CNTNAP5: variants seen among roughly 807,000 people sequenced by gnomAD.
The protein encoded by CNTNAP5 is contactin-associated protein-like 5.
In CNTNAP5, 72 loss-of-function variants were observed where a neutral mutation model predicts 150.2. That is an observed-to-expected ratio of 0.48 (90% CI 0.40 to 0.58). CNTNAP5 has a LOEUF of 0.58. Ranked by LOEUF, CNTNAP5 falls within the 20% of genes least tolerant of loss-of-function variation. The probability of loss-of-function intolerance (pLI) is 0.00; values close to 1 mark genes in which losing one functional copy is unlikely to be tolerated. For synonymous variants in CNTNAP5, 672 were observed against 619.8 expected (o/e 1.08, Z -1.25); for missense variants, 1,636 against 1,626.2 (o/e 1.01, Z -0.10).
rs1362508323 is a variant in CNTNAP5 at position 124,544,859 on chromosome 2, C to T, written c.1649+17403C>T. ...TCTGGTGTGGTAGATTTAATGTCAG[C>T]CTTAGCAGCCCAGGCTGGATATGGT... On this transcript the variant is annotated intron_variant, in intron 10 of 23. Transcript: ENST00000682447. Among the ~76,000 whole-genome samples, 6 of 152,124 alleles carry T rather than the reference C, an allele frequency of 3.9e-5. No homozygotes were observed. The East Asian group carries it at 1.2e-3, about 29-fold the overall frequency.
intron 7 of CNTNAP5, among the ~76,000 whole-genome samples, chr2:124,504,018 C>A (rs911067994): frequency 9.9e-5 from 15 of 152,146 alleles, no homozygotes; most frequent in African/African-American, 3.1e-4. Context: ...TATTTTTACG[C>A]CCCTTAGAAA....
chr2:124,248,145 C>T (rs1687076817), intron 3 of CNTNAP5, among the ~76,000 whole-genome samples: 2 of 152,122 alleles, frequency 1.3e-5, no homozygotes, highest in African/African-American at 2.4e-5. Flanking sequence ...CTTTTGATTA[C>T]GATCTGATTA....
intron 18 of CNTNAP5, among the ~76,000 whole-genome samples, 169 bp downstream of exon 18, chr2:124,790,310 A>G (rs1681698946): frequency 6.6e-6 from 1 of 152,232 alleles, no homozygotes; most frequent in Admixed American, 6.5e-5. Context: ...TTGGTATTAC[A>G]TGTGTTCACT....
At chr2:124,867,788 T>C (rs533013244) in intron 20 of CNTNAP5, among the ~76,000 whole-genome samples, 8 of 152,292 alleles carry the variant, frequency 5.3e-5, no homozygotes, top group Non-Finnish European at 8.8e-5. Context: ...TGAATGTGTA[T>C]CTAACACTAA....
At chr2:124,589,497 A>G (rs1399348123) in intron 11 of CNTNAP5, among the ~76,000 whole-genome samples, 1 of 152,064 alleles carries the variant, frequency 6.6e-6, no homozygotes, top group Non-Finnish European at 1.5e-5. Context: ...GTCAGCTTTT[A>G]TTTGGGCACA....
At chr2:124,408,337 A>C (rs1691647881) in intron 3 of CNTNAP5, among the ~76,000 whole-genome samples, 3 of 152,232 alleles carry the variant, frequency 2.0e-5, no homozygotes, top group African/African-American at 7.2e-5. Flanking sequence ...AGGCTTGCTT[A>C]GGTAAACAAA....
At chr2:124,526,370 G>C (rs1431559582) in intron 9 of CNTNAP5, among the ~76,000 whole-genome samples, 1 of 152,152 alleles carries the variant, frequency 6.6e-6, no homozygotes, top group Non-Finnish European at 1.5e-5. Context: ...CAGTGTGCCT[G>C]TGAGCTGTTA....
At chr2:124,870,125 G>A (rs1677713872) in intron 21 of CNTNAP5, among the ~76,000 whole-genome samples, 1 of 150,738 alleles carries the variant, frequency 6.6e-6, no homozygotes, top group South Asian at 2.1e-4. Context: ...AATTTTAAAG[G>A]CATTGTAATT....
intron 10 of CNTNAP5, among the ~76,000 whole-genome samples, chr2:124,533,704 C>T (rs779709144): frequency 2.6e-5 from 4 of 152,200 alleles, no homozygotes; most frequent in Non-Finnish European, 5.9e-5. Context: ...TGCCTCTGAG[C>T]TTTCCTGATC....
At chr2:124,862,848 C>T (rs551130670) in intron 19 of CNTNAP5, among the ~76,000 whole-genome samples, 13 of 152,188 alleles carry the variant, frequency 8.5e-5, no homozygotes, top group Non-Finnish European at 1.3e-4. Context: ...ATCACATTCG[C>T]GGGTGGAGGG....
intron 14 of CNTNAP5, among the ~76,000 whole-genome samples, chr2:124,753,782 C>T (rs1680779808): frequency 6.6e-6 from 1 of 152,120 alleles, no homozygotes; most frequent in Non-Finnish European, 1.5e-5. Flanking sequence ...TTAGCCATTC[C>T]ACAATTTATA....
intron 22 of CNTNAP5, among the ~76,000 whole-genome samples, chr2:124,908,578 T>C (rs1340810400): frequency 6.6e-6 from 1 of 152,136 alleles, no homozygotes; most frequent in Non-Finnish European, 1.5e-5. Context: ...CATAAGGTCC[T>C]AGTACAACGC....
chr2:124,874,525 T>A (rs1033677259), intron 21 of CNTNAP5, among the ~76,000 whole-genome samples: 1 of 152,088 alleles, frequency 6.6e-6, no homozygotes, highest in East Asian at 1.9e-4. Context: ...GTTTTTAATT[T>A]ATTTTTTTTC....
At chr2:124,034,558 A>G (rs1237902368) in intron 1 of CNTNAP5, among the ~76,000 whole-genome samples, 1 of 152,178 alleles carries the variant, frequency 6.6e-6, no homozygotes, top group Non-Finnish European at 1.5e-5. Flanking sequence ...TAGCATAATC[A>G]CTGCTTCTAG....
At chr2:124,724,923 C>CTTT (rs71387242) in intron 13 of CNTNAP5, among the ~76,000 whole-genome samples, 27,675 of 111,118 alleles carry the variant, frequency 0.25, 3,896 homozygotes, top group Non-Finnish European at 0.33. Flanking sequence ...ATTCCCTTAG[C>CTTT]TTTTTTTTTT....
intron 3 of CNTNAP5, among the ~76,000 whole-genome samples, chr2:124,367,702 T>A (rs1399576882): frequency 1.3e-5 from 2 of 152,158 alleles, no homozygotes; most frequent in Non-Finnish European, 2.9e-5. Context: ...CCTTGAGGTT[T>A]AAAGTGTACT....
In CNTNAP5 at chr2:124,485,365, G is replaced by C. The variant is rs1693846495; in HGVS notation, c.1062+10483G>C. ...ACGGTGGCTCACGCCTGTAATCCCA[G>C]CACTTTGGGAGGCCCAGGCGGGTGG... On this transcript the variant is annotated intron_variant, in intron 7 of 23. Coordinates refer to ENST00000682447, the MANE Select transcript of CNTNAP5 (RefSeq NM_001367498.1). Among the ~76,000 whole-genome samples, 4 of 152,102 alleles carry C rather than the reference G, an allele frequency of 2.6e-5. No homozygotes were observed. In the South Asian group the frequency reaches 8.3e-4, roughly 31 times the overall value.
At chr2:124,906,730 GTAACCTGAGTAGGA>G (rs1424181015) in intron 22 of CNTNAP5, among the ~76,000 whole-genome samples, 4 of 152,038 alleles carry the variant, frequency 2.6e-5, no homozygotes, top group Non-Finnish European at 4.4e-5. Context: ...AACAAATTTG[GTAACCTGAGTAGGA>G]TATTTAAATA....
intron 7 of CNTNAP5, among the ~76,000 whole-genome samples, chr2:124,497,786 T>G (rs1694186313): frequency 1.3e-5 from 2 of 152,196 alleles, no homozygotes; most frequent in Admixed American, 1.3e-4. Context: ...TCAATACATT[T>G]CAGTCTATTC....
Sources: gnomAD v4.1 joint callset for allele counts (sites outside exome capture counted in the v4.1 genomes callset) on GRCh38, gnomAD v4.1.1 for gene constraint, MANE v1.5 for transcripts, NCBI Gene and HGNC (gene_info 2026-07-23, HGNC 2026-07-21) for gene names.